DIO2: variants seen among roughly 807,000 people sequenced by gnomAD.
DIO2 encodes the protein type II iodothyronine deiodinase.
In DIO2, 19 loss-of-function variants were observed where a neutral mutation model predicts 21.4. That is an observed-to-expected ratio of 0.89 (90% CI 0.62 to 1.30). The LOEUF (loss-of-function observed/expected upper bound fraction) is 1.30, where lower values mean the gene tolerates loss of function less well. Ranked by LOEUF, DIO2 falls within the 50% of genes most tolerant of loss-of-function variation. The pLI, the probability that DIO2 is intolerant of heterozygous loss-of-function variation, is 0.00. For missense variants in DIO2, 302 were observed against 338.1 expected, an observed-to-expected ratio of 0.89 and a Z score of 0.84; for synonymous variants, 122 against 132.9, an observed-to-expected ratio of 0.92 and a Z score of 0.57.
At position 80,202,941 on chromosome 14, in the gene DIO2, A is replaced by C. The variant is rs1254282454; in HGVS notation, c.570T>G (p.Asp190Glu). ...FEVKKHQNQE[D>E]RCAAAQQLLE... ...GAAGCTGCTGGGCTGCTGCACATCG[A>C]TCTTCCTGGTTCTGGTGCTTCTTCA... is the stretch of plus-strand genomic sequence containing the variant. Residue 190 changes from aspartate (D) to glutamate (E), a missense_variant, in exon 2 of 2, where the codon GAT (aspartate) becomes GAG (glutamate). Asp to Glu is a conservative substitution (Grantham distance 45). Transcript: ENST00000438257. The C allele has an allele frequency of 6.2e-7, 1 of 1,613,794 alleles. No individual in the cohort carries two copies. The highest frequency in any genetic ancestry group is 1.7e-5 in the Admixed American group (1 of 59,998).
At chr14:80,220,068 T>C (rs1180315307) in intron 2 of DIO2, among the ~76,000 whole-genome samples, 1 of 151,628 alleles carries the variant, frequency 6.6e-6, no homozygotes, top group Admixed American at 6.6e-5. Flanking sequence ...GTGTGTGTTT[T>C]GTTGTTGTTT....
In DIO2 at chr14:80,199,992, A is replaced by G. The variant is rs1448919317; in HGVS notation, c.*2697T>C. ...TGGCAATCTAATAATTTCTCAGCAT[A>G]TCAGATAAAGCATTGATTTTCCTCT... On this transcript the variant is annotated 3_prime_UTR_variant, in exon 2 of 2. Transcript: ENST00000438257. 6.6e-6 allele frequency: 1 copy of G among 152,626 alleles called. No individual in the cohort carries two copies. Among genetic ancestry groups the G allele is most frequent in the Non-Finnish European group, 1.5e-5 (1 of 68,032 alleles). 9.5% of individuals were successfully genotyped at this position (152,626 alleles called of 1,614,324 possible).
intron 1 of DIO2, among the ~76,000 whole-genome samples, chr14:80,207,517 G>A (rs930692226): frequency 6.6e-6 from 1 of 152,072 alleles, no homozygotes; most frequent in Non-Finnish European, 1.5e-5. Flanking sequence ...ATGAAGGGTG[G>A]GTGTGTGGTA....
upstream of DIO2, among the ~76,000 whole-genome samples, chr14:80,214,064 G>C (rs1298858181): frequency 6.6e-6 from 1 of 152,148 alleles, no homozygotes; most frequent in African/African-American, 2.4e-5. Flanking sequence ...AAAAAAGAAA[G>C]AACAAAGGCA....
intron 2 of DIO2, among the ~76,000 whole-genome samples, chr14:80,221,011 A>AT (rs968416438): frequency 1.5e-4 from 23 of 152,164 alleles, no homozygotes; most frequent in African/African-American, 5.6e-4. Flanking sequence ...AAATCCTGAG[A>AT]TTTTTTAAAA....
intron 3 of DIO2, chr14:80,216,668 A>C (rs1888369829): frequency 6.6e-6 from 1 of 152,210 alleles, no homozygotes; most frequent in Non-Finnish European, 1.5e-5. Flanking sequence ...TAAAAAGCTG[A>C]AAATGAGGAA....
At position 80,202,261 on chromosome 14, in the gene DIO2, A is replaced by G. The variant is rs1439216581; in HGVS notation, c.*428T>C. The G allele has an allele frequency of 3.9e-6, 2 of 514,510 alleles. No individual in the cohort carries two copies. The highest frequency in any genetic ancestry group is 1.9e-5 in the African/African-American group (1 of 51,582). 31.9% of individuals were successfully genotyped at this position (514,510 alleles called of 1,614,324 possible). A position where few individuals can be genotyped will look rare whatever the true frequency, so the allele number is the denominator to read the frequency against. ...TGTTGTAATATTTGGGAATTTTCCA[A>G]CTGGGCTCCATCCATGCCAAATAGA... On this transcript the variant is annotated 3_prime_UTR_variant, in exon 2 of 2. Coordinates refer to ENST00000438257, the MANE Select transcript of DIO2 (RefSeq NM_013989.5).
chr14:80,207,736 C>T (rs1250648372), intron 1 of DIO2, among the ~76,000 whole-genome samples: 2 of 152,208 alleles, frequency 1.3e-5, no homozygotes, highest in African/African-American at 2.4e-5. Flanking sequence ...GTACTCCTTC[C>T]TCTGAGCTCA....
intron 2 of DIO2, among the ~76,000 whole-genome samples, chr14:80,222,953 C>A (rs1223362448): frequency 1.3e-5 from 2 of 151,532 alleles, no homozygotes; most frequent in East Asian, 1.9e-4. Flanking sequence ...GCCTCAAACT[C>A]CGGACTCAAG....
Position 80,203,287 on chromosome 14 carries a change from A to G in DIO2, c.224T>C (p.Val75Ala), listed in dbSNP as rs377366119. Residue 75 changes from valine to alanine, a missense_variant and splice_region_variant, in exon 2 of 2, where the codon GTG (valine) becomes GCG (alanine). Coordinates refer to ENST00000438257, the MANE Select transcript of DIO2 (RefSeq NM_013989.5). ...ATTGGGGGCATCCTCACCCAATTTC[A>G]CCTGACGGTAAAAAAAAAAAAAAAG... ...KSFLLDAYKQ[V>A]KLGEDAPNSS... The G allele has an allele frequency of 1.6e-4, 233 of 1,470,372 alleles. No homozygotes were observed. Among genetic ancestry groups the G allele is most frequent in the Non-Finnish European group, 2.0e-4 (223 of 1,117,468 alleles). The allele number at this position is 1,470,372 out of a possible 1,614,324, so 91.1% of individuals were successfully genotyped here.
At chr14:80,223,946 T>C (rs1888518446) in intron 2 of DIO2, among the ~76,000 whole-genome samples, 1 of 152,222 alleles carries the variant, frequency 6.6e-6, no homozygotes. Flanking sequence ...ATACCGATTA[T>C]ATCACAGGCC....
chr14:80,219,667 A>C (rs1011906395), intron 2 of DIO2, among the ~76,000 whole-genome samples: 2 of 152,218 alleles, frequency 1.3e-5, no homozygotes, highest in African/African-American at 4.8e-5. Context: ...TAAAGAAGGC[A>C]ACACGATGCT....
chr14:80,205,607 G>GT, intron 1 of DIO2: 1 of 1,329,732 alleles, frequency 7.5e-7, no homozygotes, highest in Non-Finnish European at 9.9e-7. Context: ...ATTACCTGCA[G>GT]TAAATTTTCT....
chr14:80,217,133 G>T (rs949373591), intron 2 of DIO2, among the ~76,000 whole-genome samples: 1 of 152,176 alleles, frequency 6.6e-6, no homozygotes, highest in Non-Finnish European at 1.5e-5. Context: ...TCTAACCTCA[G>T]TGGAAATGAG....
At chr14:80,223,756 A>G (rs1888514535) in intron 2 of DIO2, among the ~76,000 whole-genome samples, 1 of 152,190 alleles carries the variant, frequency 6.6e-6, no homozygotes, top group Non-Finnish European at 1.5e-5. Context: ...CTTTTGTAAG[A>G]CTTGGTTTCA....
At chr14:80,221,228 C>T (rs745354397) in intron 2 of DIO2, among the ~76,000 whole-genome samples, 2 of 152,118 alleles carry the variant, frequency 1.3e-5, no homozygotes, top group South Asian at 2.1e-4. Flanking sequence ...CTACAGAAAG[C>T]ATCATATAAA....
rs116231852 is a variant in DIO2, at chr14:80,204,091, T to C, written c.223-803A>G. 9.6e-3 allele frequency among the ~76,000 whole-genome samples: 1,460 copies of C among 152,268 alleles called. 21 individuals carry two copies. Among genetic ancestry groups the C allele is most frequent in the African/African-American group, 0.032 (1,332 of 41,552 alleles). On this transcript the variant is annotated intron_variant, in intron 1 of 1. Transcript: ENST00000438257. ...AATTCTGTGTTTGTTTTTGTTTTTT[T>C]AAATGCCCTGAGCAAAGCTTTGCAC... is the stretch of plus-strand genomic sequence containing the variant.
At chr14:80,212,186 T>C (rs1888235941), upstream of DIO2, 1 of 152,016 alleles carries the variant, frequency 6.6e-6, no homozygotes, top group Non-Finnish European at 1.5e-5. Context: ...TGCAGCCCAG[T>C]GAGTCTCCCT....
chr14:80,211,338 C>G lies in DIO2; in HGVS notation c.135G>C (p.Lys45Asn). Residue 45 changes from lysine (K) to asparagine (N), a missense_variant, in exon 1 of 2, where the codon AAG (lysine) becomes AAC (asparagine). Lys to Asn is a moderately conservative substitution (Grantham distance 94). Transcript: ENST00000438257. ...KHVVLLLSRS[K>N]STRGEWRRML... ...TGCGCCGCCACTCTCCGCGAGTGGA[C>G]TTGGAGCGGCTCAACAGCAGCACCA... 6.2e-7 allele frequency: 1 copy of G among 1,613,790 alleles called. No homozygotes were observed. The highest frequency in any genetic ancestry group is 8.5e-7 in the Non-Finnish European group (1 of 1,179,884).
Sources: gnomAD v4.1 joint callset for allele counts (sites outside exome capture counted in the v4.1 genomes callset) on GRCh38, gnomAD v4.1.1 for gene constraint, MANE v1.5 for transcripts, NCBI Gene and HGNC (gene_info 2026-07-23, HGNC 2026-07-21) for gene names.